Variants in ASB18 observed in about 807,000 individuals in gnomAD.
The protein encoded by ASB18 is ankyrin repeat and SOCS box containing 18, also known as ankyrin repeat and SOCS box protein 18.
ASB18 carries 33 observed loss-of-function variants against 33.4 expected under a neutral mutation model. That is an observed-to-expected ratio of 0.99 (90% CI 0.75 to 1.32). The LOEUF is 1.32. Ranked by LOEUF, ASB18 falls within the 40% of genes most tolerant of loss-of-function variation. ASB18 has a pLI of 0.00. For synonymous variants in ASB18, 295 were observed against 307.6 expected (o/e 0.96, Z 0.43); for missense variants, 694 against 655.5 (o/e 1.06, Z -0.64).
Position 236,215,533 on chromosome 2 carries a change from A to AC in ASB18, c.597-668dup, listed in dbSNP as rs1559330322. On this transcript the variant is annotated intron_variant, in intron 3 of 5. Transcript: ENST00000409749. The surrounding 1 kb of genome is among the most constrained non-coding windows in gnomAD (Gnocchi z 7.2). ...CCCAGTGGTCTCCAGGAGCTTCTAGACCCCCATGGGAGCCTGCGGTCTTCC... is the reference window on the plus strand; with the variant it reads ...CCCAGTGGTCTCCAGGAGCTTCTAGACCCCCCATGGGAGCCTGCGGTCTTCC... 6.6e-6 allele frequency among the ~76,000 whole-genome samples: 1 copy of AC among 151,778 alleles called. No homozygotes were observed. The highest frequency in any genetic ancestry group is 1.5e-5 in the Non-Finnish European group (1 of 67,960).
rs1235726359 is a variant in ASB18, at chr2:236,200,485, A to G, written c.1102-4100T>C. Among the ~76,000 whole-genome samples the G allele has an allele frequency of 1.3e-5, 2 of 152,228 alleles. No homozygotes were observed. The highest frequency in any genetic ancestry group is 2.9e-5 in the Non-Finnish European group (2 of 68,040). ...AATGTGGGGTCGTGGCAGAGGTATT[A>G]CCACCCTGGGCTGAAGGGCCAGTCA... On this transcript the variant is annotated intron_variant, in intron 4 of 5. Transcript: ENST00000409749. This position sits in a 1 kb window ranked among gnomAD's most constrained non-coding sequence, Gnocchi z 4.2.
rs183360085 is a variant in ASB18, at chr2:236,201,326, A to T, written c.1102-4941T>A. On this transcript the variant is annotated intron_variant, in intron 4 of 5. Coordinates refer to ENST00000409749, the MANE Select transcript of ASB18 (RefSeq NM_212556.4). Reference sequence around the variant, plus strand: ...GCCACTATGCCAGGCTAATTTAAAAATTTTTTTTGTAGAGACAAGGTCTCA... The same window carrying T: ...GCCACTATGCCAGGCTAATTTAAAATTTTTTTTTGTAGAGACAAGGTCTCA... 6.2e-3 allele frequency among the ~76,000 whole-genome samples: 938 copies of T among 151,854 alleles called. 6 individuals carry two copies. Among genetic ancestry groups the T allele is most frequent in the Non-Finnish European group, 8.4e-3 (569 of 67,940 alleles).
chr2:236,208,232 C>T lies in ASB18; in HGVS notation c.1101+6130G>A, dbSNP rs969791759. ...CCTGGCAGGAGGCCTGGGGCCAGCA[C>T]GGTCTTCCCAGCCCATCTCGCCAGC... is the stretch of plus-strand genomic sequence containing the variant. On this transcript the variant is annotated intron_variant, in intron 4 of 5. Transcript: ENST00000409749. This position sits in a 1 kb window ranked among gnomAD's most constrained non-coding sequence, Gnocchi z 7.7. Among the ~76,000 whole-genome samples, 5 of 152,126 alleles carry T rather than the reference C, an allele frequency of 3.3e-5. No individual in the cohort carries two copies. The East Asian group carries it at 7.7e-4, about 24-fold the overall frequency.
chr2:236,218,797 CAAA>C (rs574423455), intron 3 of ASB18, among the ~76,000 whole-genome samples: 9,050 of 91,548 alleles, frequency 0.099, 1,007 homozygotes, highest in African/African-American at 0.28. Flanking sequence ...GACTCCATCT[CAAA>C]AAAAAAAAAA....
chr2:236,197,078 C>A (rs571403322), intron 4 of ASB18, among the ~76,000 whole-genome samples: 9 of 152,216 alleles, frequency 5.9e-5, no homozygotes, highest in Non-Finnish European at 1.0e-4. Context: ...CCCCGCCCCC[C>A]CCATCAACCC....
Position 236,209,341 on chromosome 2 carries a change from T to C in ASB18, c.1101+5021A>G, listed in dbSNP as rs566139288. 6.6e-6 allele frequency among the ~76,000 whole-genome samples: 1 copy of C among 151,674 alleles called. No individual in the cohort carries two copies. The highest frequency in any genetic ancestry group is 6.6e-5 in the Admixed American group (1 of 15,220). ...AGGCTGGAGTGTAGTATTGCAATCATGGCTCACTGCAGCTTCCACCCCCTG... is the reference window on the plus strand; with the variant it reads ...AGGCTGGAGTGTAGTATTGCAATCACGGCTCACTGCAGCTTCCACCCCCTG... On this transcript the variant is annotated intron_variant, in intron 4 of 5. Coordinates refer to ENST00000409749, the MANE Select transcript of ASB18 (RefSeq NM_212556.4). This position sits in a 1 kb window ranked among gnomAD's most constrained non-coding sequence, Gnocchi z 4.4.
At position 236,214,238 on chromosome 2, in the gene ASB18, A is replaced by C; in HGVS notation, c.1101+124T>G. 9.8e-7 allele frequency: 1 copy of C among 1,024,700 alleles called. No homozygotes were observed. The highest frequency in any genetic ancestry group is 1.4e-6 in the Non-Finnish European group (1 of 735,696). 63.5% of individuals were successfully genotyped at this position (1,024,700 alleles called of 1,614,324 possible). A position where few individuals can be genotyped will look rare whatever the true frequency, so the allele number is the denominator to read the frequency against. On this transcript the variant is annotated intron_variant, in intron 4 of 5. Transcript: ENST00000409749. The surrounding 1 kb of genome is among the most constrained non-coding windows in gnomAD (Gnocchi z 6.5). ...CCGGCAGAGCAGATTCTGCATTTTCACAAGTCCCCAGGGGTGCCTGGGCCA... is the reference window on the plus strand; with the variant it reads ...CCGGCAGAGCAGATTCTGCATTTTCCCAAGTCCCCAGGGGTGCCTGGGCCA...
rs1403686328 is a variant in ASB18 at position 236,256,230 on chromosome 2, T to C, written c.205+7911A>G. On this transcript the variant is annotated intron_variant, in intron 1 of 5. Transcript: ENST00000409749. This position sits in a 1 kb window ranked among gnomAD's most constrained non-coding sequence, Gnocchi z 4.7. The stretch of plus-strand genomic sequence containing the variant: ...TTTGTAGAGATAGAGTCTTGCCATG[T>C]TGCTCAGGCTGGTCTCAAACTCCTG... Among the ~76,000 whole-genome samples, 1 of 152,128 alleles carries C rather than the reference T, an allele frequency of 6.6e-6. No homozygotes were observed. The highest frequency in any genetic ancestry group is 1.9e-4 in the East Asian group (1 of 5,160).
chr2:236,237,374 CGGGGCGCGGGGCG>C lies in ASB18; in HGVS notation c.596+302_596+314del, dbSNP rs1162227186. Among the ~76,000 whole-genome samples, 45 of 57,012 alleles carry C rather than the reference CGGGGCGCGGGGCG, an allele frequency of 7.9e-4. 3 individuals carry two copies. The highest frequency in any genetic ancestry group is 5.7e-3 in the East Asian group (12 of 2,102). The allele number at this position is 57,012 out of a possible 152,430, so 37.4% of individuals were successfully genotyped here. On this transcript the variant is annotated intron_variant, in intron 3 of 5. Coordinates refer to ENST00000409749, the MANE Select transcript of ASB18 (RefSeq NM_212556.4). This position sits in a 1 kb window ranked among gnomAD's most constrained non-coding sequence, Gnocchi z 6.2. ...CGGGGCGCGGGGCGGGGGCCGGGGC[CGGGGCGCGGGGCG>C]GGGGCCGGGGCCGGGGCGCGGGGCG... is the stretch of plus-strand genomic sequence containing the variant.
chr2:236,228,175 G>A lies in ASB18; in HGVS notation c.596+9514C>T, dbSNP rs79870883. On this transcript the variant is annotated intron_variant, in intron 3 of 5. Coordinates refer to ENST00000409749, the MANE Select transcript of ASB18 (RefSeq NM_212556.4). The surrounding 1 kb of genome is among the most constrained non-coding windows in gnomAD (Gnocchi z 5.1). ...TCCATGTCTAAAGAATAGTTGGAAA[G>A]AAAGCCTCCTGGTGGAAAGTGGAGA... is the stretch of plus-strand genomic sequence containing the variant. Among the ~76,000 whole-genome samples, 1,639 of 152,352 alleles carry A rather than the reference G, an allele frequency of 0.011. 15 individuals carry two copies. Among genetic ancestry groups the A allele is most frequent in the Non-Finnish European group, 0.016 (1,095 of 68,016 alleles).
intron 4 of ASB18, among the ~76,000 whole-genome samples, chr2:236,207,412 T>G (rs1415843151): frequency 6.6e-6 from 1 of 152,256 alleles, no homozygotes; most frequent in Non-Finnish European, 1.5e-5. Context: ...CTTCTTGTAC[T>G]CCATAGAGGA....
rs372831730 is a variant in ASB18, at chr2:236,221,244, A to AACAACG, written c.597-6379_597-6378insCGTTGT. ...GCAATGCAACAACAACAACAACAAC[A>AACAACG]ACAAACAGCTGCTAAAAATAAGGCT... On this transcript the variant is annotated intron_variant, in intron 3 of 5. Coordinates refer to ENST00000409749, the MANE Select transcript of ASB18 (RefSeq NM_212556.4). This position sits in a 1 kb window ranked among gnomAD's most constrained non-coding sequence, Gnocchi z 5.6. Among the ~76,000 whole-genome samples, 15,138 of 141,436 alleles carry AACAACG rather than the reference A, an allele frequency of 0.11. 2,387 individuals are homozygous for AACAACG. Among genetic ancestry groups the AACAACG allele is most frequent in the African/African-American group, 0.37 (14,102 of 38,080 alleles). 92.8% of individuals were successfully genotyped at this position (141,436 alleles called of 152,430 possible). A position where few individuals can be genotyped will look rare whatever the true frequency, so the allele number is the denominator to read the frequency against.
Position 236,264,028 on chromosome 2 carries a change from G to T in ASB18, c.205+113C>A. On this transcript the variant is annotated intron_variant, in intron 1 of 5. Coordinates refer to ENST00000409749, the MANE Select transcript of ASB18 (RefSeq NM_212556.4). The surrounding 1 kb of genome is among the most constrained non-coding windows in gnomAD (Gnocchi z 5.1). Reference sequence around the variant, plus strand: ...GTATGTATGAGAGTCAGATATCCGAGTACATATCATTTACTTTTTCCAAAC... The same window carrying T: ...GTATGTATGAGAGTCAGATATCCGATTACATATCATTTACTTTTTCCAAAC... 1.2e-6 allele frequency: 1 copy of T among 818,144 alleles called. No individual in the cohort carries two copies. The highest frequency in any genetic ancestry group is 1.7e-5 in the African/African-American group (1 of 59,316). The allele number at this position is 818,144 out of a possible 1,614,324, so 50.7% of individuals were successfully genotyped here. A position where few individuals can be genotyped will look rare whatever the true frequency, so the allele number is the denominator to read the frequency against.
At chr2:236,202,802 T>A (rs935583990) in intron 4 of ASB18, among the ~76,000 whole-genome samples, 71 of 129,074 alleles carry the variant, frequency 5.5e-4, no homozygotes, top group African/African-American at 1.6e-3. Context: ...AAAATATATA[T>A]ATATATATAT....
At chr2:236,206,190 GTTT>G (rs58498672) in intron 4 of ASB18, among the ~76,000 whole-genome samples, 4 of 138,020 alleles carry the variant, frequency 2.9e-5, no homozygotes, top group African/African-American at 2.6e-5. Flanking sequence ...AGTTTCTTGG[GTTT>G]TTTTTTTTTT....
intron 4 of ASB18, among the ~76,000 whole-genome samples, chr2:236,207,615 G>GGGACA (rs2060440582): frequency 6.6e-6 from 1 of 151,964 alleles, no homozygotes; most frequent in South Asian, 2.1e-4. Flanking sequence ...CCAGCCGGGA[G>GGGACA]ACGTGGAGGG....
Position 236,257,503 on chromosome 2 carries a change from CTCTA to C in ASB18, c.205+6634_205+6637del, listed in dbSNP as rs1223108595. On this transcript the variant is annotated intron_variant, in intron 1 of 5. Transcript: ENST00000409749. The surrounding 1 kb of genome is among the most constrained non-coding windows in gnomAD (Gnocchi z 5.5). Reference sequence around the variant, plus strand: ...TTGCTCAATGATTTGAAACCAGGGACTCTATCTACTGAGATTGTGTGCACGTGTG... The same window carrying C: ...TTGCTCAATGATTTGAAACCAGGGACTCTACTGAGATTGTGTGCACGTGTG... 6.6e-6 allele frequency among the ~76,000 whole-genome samples: 1 copy of C among 152,152 alleles called. No homozygotes were observed. Among genetic ancestry groups the C allele is most frequent in the Non-Finnish European group, 1.5e-5 (1 of 68,024 alleles).
chr2:236,201,851 T>C (rs2060404649), intron 4 of ASB18, among the ~76,000 whole-genome samples: 1 of 152,218 alleles, frequency 6.6e-6, no homozygotes, highest in Non-Finnish European at 1.5e-5. Context: ...CAATATCAAA[T>C]GAATATTTTT....
In ASB18 at chr2:236,215,777, A is replaced by G. The variant is rs1201822093; in HGVS notation, c.597-911T>C. 1.3e-5 allele frequency among the ~76,000 whole-genome samples: 2 copies of G among 152,086 alleles called. No individual in the cohort carries two copies. The highest frequency in any genetic ancestry group is 2.9e-5 in the Non-Finnish European group (2 of 68,012). On this transcript the variant is annotated intron_variant, in intron 3 of 5. Transcript: ENST00000409749. This position sits in a 1 kb window ranked among gnomAD's most constrained non-coding sequence, Gnocchi z 7.2. ...TGGTCCTTGTCCTTCATGGACACGGAAAAACACAAGCCCACCCCCAACTTC... is the reference window on the plus strand; with the variant it reads ...TGGTCCTTGTCCTTCATGGACACGGGAAAACACAAGCCCACCCCCAACTTC...
Sources: allele counts gnomAD v4.1 joint callset (sites outside exome capture counted in the v4.1 genomes callset), GRCh38; gene constraint gnomAD v4.1.1; non-coding constraint Gnocchi (gnomAD v3.1); transcripts MANE v1.5; gene names NCBI Gene and HGNC (gene_info 2026-07-23, HGNC 2026-07-21).